CACNA2D2: variants seen among roughly 807,000 people sequenced by gnomAD.
CACNA2D2 encodes voltage-dependent calcium channel subunit alpha-2/delta-2.
A neutral mutation model predicts 166.4 loss-of-function variants in CACNA2D2; 48 were observed. The ratio of observed to expected loss-of-function variants is 0.29; its 90% confidence interval spans 0.23 to 0.37. CACNA2D2 has a LOEUF of 0.37. CACNA2D2 is among the 10% of genes least tolerant of loss of function. CACNA2D2 has a pLI of 1.00. For missense variants in CACNA2D2, 1,122 were observed against 1,433.0 expected (o/e 0.78, Z 3.50); for synonymous variants, 561 against 573.7 (o/e 0.98, Z 0.32).
chr3:50,364,242 T>C lies in CACNA2D2; in HGVS notation c.*424A>G. On this transcript the variant is annotated 3_prime_UTR_variant, in exon 38 of 38. Coordinates refer to ENST00000424201, the MANE Select transcript of CACNA2D2 (RefSeq NM_006030.4). Reference sequence around the variant, plus strand: ...CAGGCTTCAAACTGGCCATCTCACCTTCCTCCACTATTCTCACAGAAACCA... The same window carrying C: ...CAGGCTTCAAACTGGCCATCTCACCCTCCTCCACTATTCTCACAGAAACCA... 5.3e-6 allele frequency: 1 copy of C among 187,200 alleles called. No homozygotes were observed. The highest frequency in any genetic ancestry group is 1.1e-5 in the Non-Finnish European group (1 of 90,992). 11.6% of individuals were successfully genotyped at this position (187,200 alleles called of 1,614,324 possible). A position where few individuals can be genotyped will look rare whatever the true frequency, so the allele number is the denominator to read the frequency against.
chr3:50,394,059 C>T (rs757868961), intron 4 of CACNA2D2, 50 bp downstream of exon 4: 7 of 1,552,912 alleles, frequency 4.5e-6, no homozygotes, highest in African/African-American at 2.7e-5. Flanking sequence ...TTCAAATCCA[C>T]GCATGGATGG....
intron 23 of CACNA2D2, among the ~76,000 whole-genome samples, chr3:50,369,739 C>G (rs1181862644): frequency 1.3e-5 from 2 of 152,252 alleles, no homozygotes; most frequent in Non-Finnish European, 2.9e-5. Context: ...AGCGTGCACT[C>G]CGGGATGGTC....
chr3:50,382,020 AC>A (rs1705348887), intron 6 of CACNA2D2, among the ~76,000 whole-genome samples: 5 of 151,530 alleles, frequency 3.3e-5, no homozygotes, highest in African/African-American at 7.3e-5. Flanking sequence ...ACACACACAC[AC>A]AAACAAGGCT....
chr3:50,489,549 C>T (rs769002059), intron 1 of CACNA2D2, among the ~76,000 whole-genome samples: 12 of 149,962 alleles, frequency 8.0e-5, no homozygotes, highest in Non-Finnish European at 1.5e-4. Flanking sequence ...GGAGGCACTG[C>T]CCAGGGGAGC....
chr3:50,367,184 C>T lies in CACNA2D2; in HGVS notation c.2402-75G>A. 3 of 1,200,356 alleles carry T rather than the reference C, an allele frequency of 2.5e-6. No individual in the cohort carries two copies. Among genetic ancestry groups the T allele is most frequent in the Non-Finnish European group, 2.4e-6 (2 of 822,530 alleles). The allele number at this position is 1,200,356 out of a possible 1,614,324, so 74.4% of individuals were successfully genotyped here. On this transcript the variant is annotated intron_variant, in intron 27 of 37. Transcript: ENST00000424201. This position sits in a 1 kb window ranked among gnomAD's most constrained non-coding sequence, Gnocchi z 6.5. ...CCACTCTATGCTGGGTCCTACAAAC[C>T]CAGCAGTCCAATCCCGGGATGACTC...
In CACNA2D2 at chr3:50,380,841, A is replaced by G. The variant is rs1384230737; in HGVS notation, c.785-36T>C. On this transcript the variant is annotated intron_variant, in intron 7 of 37. Transcript: ENST00000424201. This position sits in a 1 kb window ranked among gnomAD's most constrained non-coding sequence, Gnocchi z 4.9. ...AGAGAAGGTGAGGGGGACTGGCAGG[A>G]AAGGGCTGGCCTGGGTAGGCAGACC... The G allele has an allele frequency of 1.3e-6, 2 of 1,537,022 alleles. No individual in the cohort carries two copies. The highest frequency in any genetic ancestry group is 4.6e-5 in the East Asian group (2 of 43,554).
chr3:50,441,280 C>T (rs1186894912), intron 2 of CACNA2D2, among the ~76,000 whole-genome samples: 1 of 152,100 alleles, frequency 6.6e-6, no homozygotes, highest in Non-Finnish European at 1.5e-5. Context: ...CCCACCACCA[C>T]CCCCAGCAAC....
chr3:50,379,812 C>T lies in CACNA2D2; in HGVS notation c.906G>A (p.Val302=). 1 of 1,613,930 alleles carries T rather than the reference C, an allele frequency of 6.2e-7. No homozygotes were observed. Among genetic ancestry groups the T allele is most frequent in the East Asian group, 2.2e-5 (1 of 44,882 alleles). ...TCATCAGCTTCAGGGTCAGGCCGCT[C>T]ACACTGCCACTCCTGGAGAGGTCAG... ...MVIIVDVSGS[V]SGLTLKLMKT... is the part of the protein sequence containing the mutation. The change falls in exon 10 of 38, where the codon GTG becomes GTA. Residue 302 remains valine (V), a synonymous_variant. Transcript: ENST00000424201. The surrounding 1 kb of genome is among the most constrained non-coding windows in gnomAD (Gnocchi z 6.5).
intron 1 of CACNA2D2, among the ~76,000 whole-genome samples, chr3:50,500,532 G>A (rs1698918784): frequency 6.6e-6 from 1 of 152,168 alleles, no homozygotes; most frequent in Non-Finnish European, 1.5e-5. Flanking sequence ...ACAAGGGGAG[G>A]CAAAGCAGTG....
intron 3 of CACNA2D2, among the ~76,000 whole-genome samples, chr3:50,396,935 C>T (rs1011384928): frequency 2.6e-5 from 4 of 152,220 alleles, no homozygotes; most frequent in South Asian, 2.1e-4. Flanking sequence ...AGACGCCACA[C>T]TGACACTAGT....
chr3:50,466,911 G>A (rs1160139197), intron 2 of CACNA2D2, among the ~76,000 whole-genome samples: 1 of 152,270 alleles, frequency 6.6e-6, no homozygotes. Context: ...GCAGCAGCAA[G>A]TATCAGACAC....
At chr3:50,464,836 T>G (rs1325083470) in intron 2 of CACNA2D2, among the ~76,000 whole-genome samples, 1 of 152,194 alleles carries the variant, frequency 6.6e-6, no homozygotes, top group Non-Finnish European at 1.5e-5. Context: ...GGAAAATACC[T>G]GCTCCCACAC....
chr3:50,383,113 C>T (rs1464535945), intron 6 of CACNA2D2, among the ~76,000 whole-genome samples: 2 of 152,146 alleles, frequency 1.3e-5, no homozygotes, highest in South Asian at 2.1e-4. Context: ...ATGTGGGTAG[C>T]GAGGGGTGAC....
Position 50,477,940 on chromosome 3 carries a change from G to T in CACNA2D2, c.207-1741C>A, listed in dbSNP as rs76378596. On this transcript the variant is annotated intron_variant, in intron 1 of 37. Coordinates refer to ENST00000424201, the MANE Select transcript of CACNA2D2 (RefSeq NM_006030.4). ...CTCCACTCAGGCCTGTGACTAAGGGGCTGGGCCCATGCAACTGTATGTGCC... is the reference window on the plus strand; with the variant it reads ...CTCCACTCAGGCCTGTGACTAAGGGTCTGGGCCCATGCAACTGTATGTGCC... 6.8e-3 allele frequency among the ~76,000 whole-genome samples: 1,040 copies of T among 152,294 alleles called. 8 individuals are homozygous for T. Among genetic ancestry groups the T allele is most frequent in the African/African-American group, 0.023 (973 of 41,570 alleles).
intron 22 of CACNA2D2, among the ~76,000 whole-genome samples, chr3:50,374,481 C>T (rs1041699294): frequency 4.0e-5 from 6 of 151,564 alleles, no homozygotes; most frequent in Non-Finnish European, 7.4e-5. Context: ...AGGGAAGACA[C>T]GGAGTAGGAG....
intron 3 of CACNA2D2, among the ~76,000 whole-genome samples, chr3:50,395,034 T>C (rs1391233046): frequency 1.3e-5 from 2 of 152,054 alleles, no homozygotes; most frequent in Admixed American, 1.3e-4. Flanking sequence ...TCTTATTTGG[T>C]ACTTTCTAAG....
chr3:50,402,819 A>G (rs1026320593), intron 3 of CACNA2D2, among the ~76,000 whole-genome samples: 5 of 152,232 alleles, frequency 3.3e-5, no homozygotes, highest in African/African-American at 1.2e-4. Flanking sequence ...ATGATCCATA[A>G]TTCATCAACA....
intron 3 of CACNA2D2, among the ~76,000 whole-genome samples, chr3:50,430,463 G>A (rs989924005): frequency 9.2e-5 from 14 of 152,228 alleles, no homozygotes; most frequent in Admixed American, 7.2e-4. Flanking sequence ...GAAGTGCTGG[G>A]CAGGGAGGGT....
chr3:50,446,097 G>A (rs986835602), intron 2 of CACNA2D2, among the ~76,000 whole-genome samples: 2 of 152,222 alleles, frequency 1.3e-5, no homozygotes, highest in African/African-American at 4.8e-5. Context: ...CACCATGAGG[G>A]CCCTTAGCCT....
Sources: allele counts gnomAD v4.1 joint callset (sites outside exome capture counted in the v4.1 genomes callset), GRCh38; gene constraint gnomAD v4.1.1; non-coding constraint Gnocchi (gnomAD v3.1); transcripts MANE v1.5; gene names NCBI Gene and HGNC (gene_info 2026-07-23, HGNC 2026-07-21).